Variants in PLA2G4F observed in about 807,000 individuals in gnomAD.
The protein encoded by PLA2G4F is phospholipase A2 group IVF, also known as cytosolic phospholipase A2 zeta.
In PLA2G4F, 105 loss-of-function variants were observed where a neutral mutation model predicts 103.1. The ratio of observed to expected loss-of-function variants is 1.02; its 90% confidence interval spans 0.87 to 1.20. The LOEUF (loss-of-function observed/expected upper bound fraction) is 1.20. Ranked by LOEUF, PLA2G4F falls within the 50% of genes most tolerant of loss-of-function variation. PLA2G4F has a pLI of 0.00. For missense variants in PLA2G4F, 1,155 were observed against 1,075.9 expected (o/e 1.07, Z -1.03); for synonymous variants, 468 against 441.1 (o/e 1.06, Z -0.76).
chr15:42,153,661 C>G lies in PLA2G4F; in HGVS notation c.451-1G>C, dbSNP rs1415794680. On this transcript the variant is annotated splice_acceptor_variant, in intron 4 of 19. Transcript: ENST00000397272. LOFTEE classifies it high-confidence loss of function. ...ATTCCACCTGCAGCTCTTGTGAATC[C>G]TACATGGAGGGGGAGGGAGCACCAA... 2 of 1,614,068 alleles carry G rather than the reference C, an allele frequency of 1.2e-6. No individual in the cohort carries two copies. The highest frequency in any genetic ancestry group is 1.7e-6 in the Non-Finnish European group (2 of 1,179,952).
At chr15:42,146,037 C>A in intron 14 of PLA2G4F, 90 bp downstream of exon 14, 3 of 1,579,022 alleles carry the variant, frequency 1.9e-6, no homozygotes, top group Non-Finnish European at 1.7e-6. Context: ...TGTGTGCAAC[C>A]ACCTCCTCTG....
At chr15:42,143,919 C>T (rs1034111529) in intron 18 of PLA2G4F, 59 bp downstream of exon 18, 4 of 1,520,002 alleles carry the variant, frequency 2.6e-6, no homozygotes, top group Non-Finnish European at 3.6e-6. Flanking sequence ...TCCTCTCCTC[C>T]CTCACCCTTT....
Position 42,141,732 on chromosome 15 carries a change from T to G in PLA2G4F, c.*252A>C. 1 of 613,574 alleles carries G rather than the reference T, an allele frequency of 1.6e-6. No individual in the cohort carries two copies. The highest frequency in any genetic ancestry group is 3.3e-5 in the East Asian group (1 of 30,260). The allele number at this position is 613,574 out of a possible 1,614,324, so 38.0% of individuals were successfully genotyped here. A position where few individuals can be genotyped will look rare whatever the true frequency, so the allele number is the denominator to read the frequency against. ...CCGCTGTGAAATGAGTGCTGTTCTC[T>G]TCTGCCCTACATCCCCAAGAGTCCC... On this transcript the variant is annotated 3_prime_UTR_variant, in exon 20 of 20. Coordinates refer to ENST00000397272, the MANE Select transcript of PLA2G4F (RefSeq NM_213600.4).
In PLA2G4F at chr15:42,142,083, G is replaced by A. The variant is rs771664101; in HGVS notation, c.2451C>T (p.Ala817=). Residue 817 remains alanine, a synonymous_variant, in exon 20 of 20, where the codon GCC becomes GCT. Transcript: ENST00000397272. The part of the protein sequence containing the change: ...YEPQDFYRLV[A]LSRYNVLNNV... ...TGTTCAGGACGTTGTATCGACTGAG[G>A]GCCACCAGCCGATAAAAGTCCTGGG... The A allele has an allele frequency of 3.7e-6, 6 of 1,614,062 alleles. No individual in the cohort carries two copies. Among genetic ancestry groups the A allele is most frequent in the Non-Finnish European group, 5.1e-6 (6 of 1,180,034 alleles).
Position 42,145,562 on chromosome 15 carries a change from T to C in PLA2G4F, c.1780+13A>G, listed in dbSNP as rs200802378. Reference sequence around the variant, plus strand: ...AATGTGGTGTGGGAGGGGCTCGGGGTCGCTACCCTCACCTGTGATATTCAC... The same window carrying C: ...AATGTGGTGTGGGAGGGGCTCGGGGCCGCTACCCTCACCTGTGATATTCAC... On this transcript the variant is annotated intron_variant, in intron 16 of 19. Transcript: ENST00000397272. 1.1e-4 allele frequency: 183 copies of C among 1,609,610 alleles called. 2 individuals carry two copies. The East Asian group carries it at 4.1e-3, about 36-fold the overall frequency.
chr15:42,152,831 G>A, intron 6 of PLA2G4F, 77 bp from the exon 7 acceptor site: 1 of 1,394,786 alleles, frequency 7.2e-7, no homozygotes, highest in Non-Finnish European at 9.8e-7. Flanking sequence ...GAGTGCCTAG[G>A]GCAGGGTCTG....
chr15:42,148,923 TAC>T, intron 11 of PLA2G4F: 1 of 985,364 alleles, frequency 1.0e-6, no homozygotes, highest in Non-Finnish European at 1.2e-6. Context: ...AGAGAGGGCA[TAC>T]ATATTGCCCC....
intron 12 of PLA2G4F, 99 bp from the exon 13 acceptor site, chr15:42,147,445 C>T: frequency 7.2e-7 from 1 of 1,392,234 alleles, no homozygotes; most frequent in Middle Eastern, 2.5e-4. Flanking sequence ...CCACCACTTG[C>T]ACTGCTGCCC....
At chr15:42,142,965 G>C (rs190882661) in intron 18 of PLA2G4F, among the ~76,000 whole-genome samples, 1 of 152,042 alleles carries the variant, frequency 6.6e-6, no homozygotes, top group African/African-American at 2.4e-5. Flanking sequence ...CAGATCATGA[G>C]GTCAAGAGAT....
intron 16 of PLA2G4F, 45 bp downstream of exon 16, chr15:42,145,530 T>C (rs2048872083): frequency 6.4e-7 from 1 of 1,558,812 alleles, no homozygotes; most frequent in African/African-American, 1.4e-5. Context: ...CAGGGCCCTG[T>C]TGCTGGAATG....
rs375597223 is a variant in PLA2G4F at position 42,142,680 on chromosome 15, C to T, written c.2177G>A (p.Arg726Gln). Residue 726 changes from arginine to glutamine, a missense_variant, in exon 19 of 20, where the codon CGA (arginine) becomes CAA (glutamine). Around this residue, in one of 3 missense-constraint regions of PLA2G4F, gnomAD observed 782 missense variants for 692.9 expected, o/e 1.13. Coordinates refer to ENST00000397272, the MANE Select transcript of PLA2G4F (RefSeq NM_213600.4). ...LKMTEKYCLD[R>Q]GIPFPSIEVG... ...CTCGATGCTAGGGAAGGGGATTCCT[C>T]GGTCCAGGCAGTACTTCTCTGTCAT... The T allele has an allele frequency of 1.2e-5, 19 of 1,614,006 alleles. No homozygotes were observed. The highest frequency in any genetic ancestry group is 1.7e-5 in the Admixed American group (1 of 60,012).
At chr15:42,148,971 G>C (rs979360027) in intron 11 of PLA2G4F, 7 of 985,270 alleles carry the variant, frequency 7.1e-6, no homozygotes, top group Non-Finnish European at 8.4e-6. Context: ...CTGGGCCACA[G>C]TGATAGCGTC....
In PLA2G4F at chr15:42,154,160, G is replaced by A; in HGVS notation, c.382C>T (p.Leu128Phe). 1 of 1,614,220 alleles carries A rather than the reference G, an allele frequency of 6.2e-7. No individual in the cohort carries two copies. The highest frequency in any genetic ancestry group is 8.5e-7 in the Non-Finnish European group (1 of 1,180,044). Residue 128 changes from leucine (L) to phenylalanine (F), a missense_variant, in exon 4 of 20, where the codon CTC (leucine) becomes TTC (phenylalanine). Transcript: ENST00000397272. The part of the protein sequence containing the change: ...DILGSDQLSL[L>F]LFDLRSLKCG... ...TTGAGGCTTCTCAGGTCAAACAGGA[G>A]CAGAGAGAGCTGGTCGCTGCCCAGG...
At chr15:42,155,427 C>T (rs2049006430) in intron 2 of PLA2G4F, 90 bp downstream of exon 2, 3 of 1,360,712 alleles carry the variant, frequency 2.2e-6, no homozygotes, top group South Asian at 2.4e-5. Flanking sequence ...TACTCTTACA[C>T]ACACACACTC....
At position 42,139,788 on chromosome 15, in the gene PLA2G4F, A is replaced by T. The variant is rs1250461343; in HGVS notation, c.*2196T>A. On this transcript the variant is annotated 3_prime_UTR_variant, in exon 20 of 20. Coordinates refer to ENST00000397272, the MANE Select transcript of PLA2G4F (RefSeq NM_213600.4). ...TGGCCAATATCTGGGCCACAGCACT[A>T]GCCCAGCCTCCTGCCCCCTGCCCCC... 1.3e-5 allele frequency: 2 copies of T among 152,612 alleles called. No individual in the cohort carries two copies. Among genetic ancestry groups the T allele is most frequent in the Non-Finnish European group, 2.9e-5 (2 of 68,294 alleles). 9.5% of individuals were successfully genotyped at this position (152,612 alleles called of 1,614,324 possible). A position where few individuals can be genotyped will look rare whatever the true frequency, so the allele number is the denominator to read the frequency against.
chr15:42,155,936 G>A (rs550837465), intron 1 of PLA2G4F, among the ~76,000 whole-genome samples: 1 of 152,288 alleles, frequency 6.6e-6, no homozygotes, highest in Admixed American at 6.5e-5. Flanking sequence ...TGTTGTGCTT[G>A]AGAAGATTAA....
chr15:42,151,916 TA>T (rs1189318141), intron 7 of PLA2G4F, among the ~76,000 whole-genome samples: 1 of 152,210 alleles, frequency 6.6e-6, no homozygotes, highest in African/African-American at 2.4e-5. Context: ...AGGAGGATTA[TA>T]AGGCACATTA....
rs774486809 is a variant in PLA2G4F at position 42,154,408 on chromosome 15, T to C, written c.235A>G (p.Ser79Gly). The change falls in exon 3 of 20, where the codon AGC (serine) becomes GGC (glycine). Residue 79 changes from serine to glycine, a missense_variant. Coordinates refer to ENST00000397272, the MANE Select transcript of PLA2G4F (RefSeq NM_213600.4). Reference protein sequence around the residue: ...VQLWLPTASPSPAQTRIVANC... With the variant: ...VQLWLPTASPGPAQTRIVANC... ...GCCACTATCCTAGTCTGGGCAGGGCTTGGGGACGCCGTGGGCAGCCACAGT... is the reference window on the plus strand; with the variant it reads ...GCCACTATCCTAGTCTGGGCAGGGCCTGGGGACGCCGTGGGCAGCCACAGT... 6 of 1,610,238 alleles carry C rather than the reference T, an allele frequency of 3.7e-6. No individual in the cohort carries two copies. In the African/African-American group the frequency reaches 6.7e-5, roughly 18 times the overall value.
rs770819732 is a variant in PLA2G4F at position 42,144,678 on chromosome 15, A to G, written c.1781-34T>C. On this transcript the variant is annotated intron_variant, in intron 16 of 19. Coordinates refer to ENST00000397272, the MANE Select transcript of PLA2G4F (RefSeq NM_213600.4). ...GGGCGGGACAGTGAAATAGAGGGGA[A>G]AGTGGCATCCTCCTTTGCCCAGTGG... 5 of 1,526,006 alleles carry G rather than the reference A, an allele frequency of 3.3e-6. No individual in the cohort carries two copies. In the South Asian group the frequency reaches 6.5e-5, roughly 20 times the overall value. 94.5% of individuals were successfully genotyped at this position (1,526,006 alleles called of 1,614,324 possible).
Sources: allele counts gnomAD v4.1 joint callset (sites outside exome capture counted in the v4.1 genomes callset), GRCh38; gene constraint gnomAD v4.1.1; regional missense constraint gnomAD v4.1.1; transcripts MANE v1.5; gene names NCBI Gene and HGNC (gene_info 2026-07-23, HGNC 2026-07-21).